Variants in TCEAL7 observed in about 807,000 individuals in gnomAD.
TCEAL7 encodes transcription elongation factor A protein-like 7.
For missense variants in TCEAL7, 63 were observed against 77.9 expected (o/e 0.81, Z 0.72); for synonymous variants, 22 against 25.5 (o/e 0.86, Z 0.42).
intron 1 of TCEAL7, among the ~76,000 whole-genome samples, chrX:103,330,560 TCTC>T (rs1268589611): frequency 2.7e-5 from 3 of 111,808 alleles, no homozygotes; most frequent in African/African-American, 9.8e-5. Context: ...TTTTTATCCT[TCTC>T]CTCATCTTTC....
Position 103,331,045 on chromosome X carries a change from G to C in TCEAL7, c.-28+5G>C, listed in dbSNP as rs1294450767. ...GCAGGAAACTACCCCGCACAGGTCA[G>C]TATGAGAGAGGCACTTAGACTGAGA... On this transcript the variant is annotated splice_donor_5th_base_variant and intron_variant, in intron 2 of 2. Transcript: ENST00000332431. 3 of 179,967 alleles carry C rather than the reference G, an allele frequency of 1.7e-5. No homozygotes were observed. The highest frequency in any genetic ancestry group is 2.0e-3 in the Middle Eastern group (1 of 505). 14.8% of individuals were successfully genotyped at this position (179,967 alleles called of 1,213,427 possible).
At position 103,332,253 on chromosome X, in the gene TCEAL7, A is replaced by G. The variant is rs758938630; in HGVS notation, c.*547A>G. The stretch of plus-strand genomic sequence containing the variant: ...AATAAACTCTCAATAACAGAAGCGT[A>G]AAAATGAAATGTAAACCTCCAATTA... On this transcript the variant is annotated 3_prime_UTR_variant, in exon 3 of 3. Transcript: ENST00000332431. 1 of 124,209 alleles carries G rather than the reference A, an allele frequency of 8.1e-6. No individual in the cohort carries two copies. Among genetic ancestry groups the G allele is most frequent in the East Asian group, 2.8e-4 (1 of 3,605 alleles). 10.2% of individuals were successfully genotyped at this position (124,209 alleles called of 1,213,427 possible). A position where few individuals can be genotyped will look rare whatever the true frequency, so the allele number is the denominator to read the frequency against.
chrX:103,330,819 A>T (rs906967874), intron 1 of TCEAL7, 104 bp from the exon 2 acceptor site: 1 of 111,538 alleles, frequency 9.0e-6, no homozygotes, highest in Non-Finnish European at 1.9e-5. Flanking sequence ...GAAGGAAAGG[A>T]TACAGACAGG....
At position 103,331,020 on chromosome X, in the gene TCEAL7, G is replaced by T. The variant is rs1313194470; in HGVS notation, c.-48G>T. The T allele has an allele frequency of 7.8e-6, 1 of 128,165 alleles. No homozygotes were observed. Among genetic ancestry groups the T allele is most frequent in the African/African-American group, 3.2e-5 (1 of 31,088 alleles). 10.6% of individuals were successfully genotyped at this position (128,165 alleles called of 1,213,427 possible). ...ACAGACATCTGGGGGAAGAAAAGGAGCAGGAAACTACCCCGCACAGGTCAG... is the reference window on the plus strand; with the variant it reads ...ACAGACATCTGGGGGAAGAAAAGGATCAGGAAACTACCCCGCACAGGTCAG... On this transcript the variant is annotated 5_prime_UTR_variant, in exon 2 of 3. Transcript: ENST00000332431.
At position 103,331,780 on chromosome X, in the gene TCEAL7, G is replaced by T; in HGVS notation, c.*74G>T. On this transcript the variant is annotated 3_prime_UTR_variant, in exon 3 of 3. Coordinates refer to ENST00000332431, the MANE Select transcript of TCEAL7 (RefSeq NM_152278.5). ...GCTTTCTGTTTGTCTGCACTTTCTT[G>T]ATAAATATTTGCTATCGTTTTACTC... The T allele has an allele frequency of 1.2e-6, 1 of 854,923 alleles. No individual in the cohort carries two copies. The highest frequency in any genetic ancestry group is 1.6e-6 in the Non-Finnish European group (1 of 608,436). 70.5% of individuals were successfully genotyped at this position (854,923 alleles called of 1,213,427 possible).
chrX:103,331,715 T>G lies in TCEAL7; in HGVS notation c.*9T>G, dbSNP rs1162551122. ...GTCCTTATCCCATTTAATTAATTTC[T>G]CTGACAATTCAATTATTTTCTGTTA... On this transcript the variant is annotated 3_prime_UTR_variant, in exon 3 of 3. Coordinates refer to ENST00000332431, the MANE Select transcript of TCEAL7 (RefSeq NM_152278.5). 2.6e-6 allele frequency: 3 copies of G among 1,133,805 alleles called. No individual in the cohort carries two copies. Among genetic ancestry groups the G allele is most frequent in the Non-Finnish European group, 3.5e-6 (3 of 848,082 alleles). 93.4% of individuals were successfully genotyped at this position (1,133,805 alleles called of 1,213,427 possible). A position where few individuals can be genotyped will look rare whatever the true frequency, so the allele number is the denominator to read the frequency against.
Position 103,331,385 on chromosome X carries a change from A to G in TCEAL7, c.-19A>G, listed in dbSNP as rs190003498. The G allele has an allele frequency of 2.4e-5, 27 of 1,148,925 alleles. No homozygotes were observed. In the Middle Eastern group the frequency reaches 7.2e-4, roughly 31 times the overall value. The allele number at this position is 1,148,925 out of a possible 1,213,427, so 94.7% of individuals were successfully genotyped here. On this transcript the variant is annotated 5_prime_UTR_variant, in exon 3 of 3. Transcript: ENST00000332431. ...TTACATTTTCTCCCTAGAGTTAAGC[A>G]GGAAACAACAACAACATCATGCAAA...
chrX:103,330,583 G>C (rs1480384261), intron 1 of TCEAL7, among the ~76,000 whole-genome samples: 1 of 111,666 alleles, frequency 9.0e-6, no homozygotes, highest in Non-Finnish European at 1.9e-5. Flanking sequence ...CTCCAATTTT[G>C]TTAAGAGAAA....
intron 2 of TCEAL7, 103 bp downstream of exon 2, chrX:103,331,143 T>C (rs756514236): frequency 3.2e-6 from 1 of 310,043 alleles, no homozygotes; most frequent in Admixed American, 5.7e-5. Flanking sequence ...TCTCCTTTTC[T>C]GCTCCGCCTC....
chrX:103,331,276 G>A (rs1168491752), intron 2 of TCEAL7, 101 bp from the exon 3 acceptor site: 1 of 703,172 alleles, frequency 1.4e-6, no homozygotes, highest in Admixed American at 3.9e-5. Context: ...ATGAGGTCTG[G>A]ACCTGTGGGG....
chrX:103,332,143 T>A lies in TCEAL7; in HGVS notation c.*437T>A, dbSNP rs953789968. The A allele has an allele frequency of 2.4e-5, 3 of 125,701 alleles. No individual in the cohort carries two copies. The highest frequency in any genetic ancestry group is 9.7e-5 in the African/African-American group (3 of 30,900). The allele number at this position is 125,701 out of a possible 1,213,427, so 10.4% of individuals were successfully genotyped here. A position where few individuals can be genotyped will look rare whatever the true frequency, so the allele number is the denominator to read the frequency against. On this transcript the variant is annotated 3_prime_UTR_variant, in exon 3 of 3. Coordinates refer to ENST00000332431, the MANE Select transcript of TCEAL7 (RefSeq NM_152278.5). Reference sequence around the variant, plus strand: ...GCCAAAAAATGAATATATGTTTATGTGTGTATATTACTTGTGTCACAAAAA... The same window carrying A: ...GCCAAAAAATGAATATATGTTTATGAGTGTATATTACTTGTGTCACAAAAA...
chrX:103,331,313 G>A, intron 2 of TCEAL7, 64 bp from the exon 3 acceptor site: 1 of 969,039 alleles, frequency 1.0e-6, no homozygotes. Flanking sequence ...TCTTGCCTCA[G>A]AGAGAAACTG....
chrX:103,330,752 G>T (rs1304888546), intron 1 of TCEAL7, among the ~76,000 whole-genome samples, 171 bp from the exon 2 acceptor site: 4 of 110,494 alleles, frequency 3.6e-5, no homozygotes, highest in Non-Finnish European at 7.6e-5. Flanking sequence ...AGGGAGACGC[G>T]GGCCTTGCAA....
intron 1 of TCEAL7, among the ~76,000 whole-genome samples, 193 bp from the exon 2 acceptor site, chrX:103,330,730 A>G (rs1261104284): frequency 9.1e-6 from 1 of 109,891 alleles, no homozygotes; most frequent in East Asian, 2.9e-4. Context: ...GGGGCGCGGG[A>G]CGGGGCGAAG....
At position 103,330,255 on chromosome X, in the gene TCEAL7, G is replaced by A. The variant is rs1028196310; in HGVS notation, c.-195G>A. 9.0e-6 allele frequency: 1 copy of A among 111,289 alleles called. No homozygotes were observed. The highest frequency in any genetic ancestry group is 1.9e-5 in the Non-Finnish European group (1 of 53,045). The allele number at this position is 111,289 out of a possible 1,213,427, so 9.2% of individuals were successfully genotyped here. A position where few individuals can be genotyped will look rare whatever the true frequency, so the allele number is the denominator to read the frequency against. ...CTCCTCTGGGTACCAGCTCCTTACT[G>A]CCCTGCAGACAAGCGTGCCGTGCGT... is the stretch of plus-strand genomic sequence containing the variant. On this transcript the variant is annotated 5_prime_UTR_variant, in exon 1 of 3. Coordinates refer to ENST00000332431, the MANE Select transcript of TCEAL7 (RefSeq NM_152278.5).
Position 103,331,843 on chromosome X carries a change from T to C in TCEAL7, c.*137T>C. On this transcript the variant is annotated 3_prime_UTR_variant, in exon 3 of 3. Transcript: ENST00000332431. ...GTTGCTGAGATTTACATATGACTCT[T>C]GTCAACATCTCATCTTTTGACCCAA... 1 of 490,897 alleles carries C rather than the reference T, an allele frequency of 2.0e-6. No homozygotes were observed. Among genetic ancestry groups the C allele is most frequent in the Non-Finnish European group, 3.4e-6 (1 of 293,785 alleles). 40.5% of individuals were successfully genotyped at this position (490,897 alleles called of 1,213,427 possible).
At position 103,330,279 on chromosome X, in the gene TCEAL7, G is replaced by A. The variant is rs1331523821; in HGVS notation, c.-171G>A. On this transcript the variant is annotated 5_prime_UTR_variant, in exon 1 of 3. The change creates a new upstream start codon in the 5' untranslated region. Coordinates refer to ENST00000332431, the MANE Select transcript of TCEAL7 (RefSeq NM_152278.5). ...TGCCCTGCAGACAAGCGTGCCGTGC[G>A]TGCTTGTGGCCAAGGGAAGGAAGAG... 9.0e-6 allele frequency: 1 copy of A among 111,468 alleles called. No individual in the cohort carries two copies. Among genetic ancestry groups the A allele is most frequent in the African/African-American group, 3.3e-5 (1 of 30,583 alleles). The allele number at this position is 111,468 out of a possible 1,213,427, so 9.2% of individuals were successfully genotyped here.
chrX:103,331,047 A>G lies in TCEAL7; in HGVS notation c.-28+7A>G. ...AGGAAACTACCCCGCACAGGTCAGT[A>G]TGAGAGAGGCACTTAGACTGAGATC... is the stretch of plus-strand genomic sequence containing the variant. On this transcript the variant is annotated splice_region_variant and intron_variant, in intron 2 of 2. Transcript: ENST00000332431. The G allele has an allele frequency of 5.5e-6, 1 of 181,046 alleles. No individual in the cohort carries two copies. The allele number at this position is 181,046 out of a possible 1,213,427, so 14.9% of individuals were successfully genotyped here. A position where few individuals can be genotyped will look rare whatever the true frequency, so the allele number is the denominator to read the frequency against.
intron 2 of TCEAL7, 92 bp downstream of exon 2, chrX:103,331,132 A>G (rs1198487389): frequency 6.7e-6 from 2 of 298,666 alleles, no homozygotes; most frequent in East Asian, 5.8e-5. Flanking sequence ...TTCGCAGTCC[A>G]TCTCCTTTTC....
Sources: gnomAD v4.1 joint callset for allele counts (sites outside exome capture counted in the v4.1 genomes callset) on GRCh38, gnomAD v4.1.1 for gene constraint, MANE v1.5 for transcripts, NCBI Gene and HGNC (gene_info 2026-07-23, HGNC 2026-07-21) for gene names.